DMD: variants seen among roughly 807,000 people sequenced by gnomAD.
DMD encodes the protein mutant dystrophin.
Under a neutral mutation model 330.1 loss-of-function variants are expected in DMD, and 63 were observed. The ratio of observed to expected loss-of-function variants is 0.19; its 90% confidence interval spans 0.16 to 0.24. The LOEUF (loss-of-function observed/expected upper bound fraction) is 0.24, where lower values mean the gene tolerates loss of function less well. Among genes scored for constraint, DMD ranks in the 10% least tolerant of loss-of-function variants. The pLI is 1.00. For missense variants in DMD, 3,344 were observed against 2,684.1 expected (o/e 1.25, Z -5.43); for synonymous variants, 1,223 against 959.8 (o/e 1.27, Z -5.07).
chrX:31,608,409 A>T (rs750133317), intron 55 of DMD, among the ~76,000 whole-genome samples: 3 of 111,919 alleles, frequency 2.7e-5, no homozygotes, highest in Non-Finnish European at 5.6e-5. Flanking sequence ...ATATAATGAC[A>T]TCACTAGACA....
At chrX:32,948,085 C>T (rs893020633) in intron 2 of DMD, among the ~76,000 whole-genome samples, 1 of 106,450 alleles carries the variant, frequency 9.4e-6, no homozygotes, top group Non-Finnish European at 1.9e-5. Context: ...CCTTGAAACC[C>T]CACTCAAAAT....
chrX:33,079,637 T>C (rs1345582468), intron 1 of DMD, among the ~76,000 whole-genome samples: 4 of 111,588 alleles, frequency 3.6e-5, no homozygotes, highest in Non-Finnish European at 7.5e-5. Flanking sequence ...ATTTTTGGAC[T>C]TTAGAGGACC....
intron 62 of DMD, among the ~76,000 whole-genome samples, chrX:31,277,958 G>A (rs764991677): frequency 1.9e-5 from 2 of 107,972 alleles, no homozygotes; most frequent in Non-Finnish European, 3.8e-5. Context: ...ATCATGCAAT[G>A]TTCCCATGTA....
At position 31,206,599 on chromosome X, in the gene DMD, A is replaced by C; in HGVS notation, c.9632T>G (p.Leu3211Trp). 1 of 1,210,392 alleles carries C rather than the reference A, an allele frequency of 8.3e-7. No homozygotes were observed. The highest frequency in any genetic ancestry group is 1.1e-6 in the Non-Finnish European group (1 of 894,338). Residue 3211 changes from leucine (L) to tryptophan (W), a missense_variant, in exon 66 of 79, where the codon TTG (leucine) becomes TGG (tryptophan). Transcript: ENST00000357033. ...TGIISLCKAH[L>W]EDKYRYLFKQ... ...CGACTTACATCTGTACTTGTCTTCCAAATGTGCTTTACACAGGGAAATGAT... is the reference window on the plus strand; with the variant it reads ...CGACTTACATCTGTACTTGTCTTCCCAATGTGCTTTACACAGGGAAATGAT...
intron 7 of DMD, among the ~76,000 whole-genome samples, chrX:32,783,397 A>G (rs1222598326): frequency 9.5e-6 from 1 of 105,624 alleles, no homozygotes; most frequent in East Asian, 3.0e-4. Context: ...ATATATATAC[A>G]CACACACCCC....
At chrX:32,380,208 C>A (rs776510942) in intron 34 of DMD, among the ~76,000 whole-genome samples, 55 of 111,128 alleles carry the variant, frequency 4.9e-4, no homozygotes, top group African/African-American at 1.8e-3. Context: ...TGGTCTTAGG[C>A]AAGCCAGTAC....
intron 74 of DMD, among the ~76,000 whole-genome samples, chrX:31,162,293 TACTGTAGAGGG>T (rs1341510389): frequency 2.1e-5 from 2 of 95,375 alleles, no homozygotes; most frequent in Non-Finnish European, 4.0e-5. Flanking sequence ...TAATCAATTC[TACTGTAGAGGG>T]ACAATTGGCA....
chrX:31,734,879 C>T (rs2086762084), intron 51 of DMD, among the ~76,000 whole-genome samples: 1 of 111,781 alleles, frequency 8.9e-6, no homozygotes, highest in Admixed American at 9.6e-5. Context: ...CTCAGCTTTT[C>T]TTTATTTAAA....
At chrX:32,012,931 C>CAT (rs770090636) in intron 44 of DMD, among the ~76,000 whole-genome samples, 18 of 110,430 alleles carry the variant, frequency 1.6e-4, no homozygotes, top group East Asian at 8.6e-4. Flanking sequence ...TACTGCTCTT[C>CAT]ATATATATAC....
intron 60 of DMD, among the ~76,000 whole-genome samples, chrX:31,379,005 G>A (rs1390588737): frequency 9.0e-6 from 1 of 110,599 alleles, no homozygotes; most frequent in Non-Finnish European, 1.9e-5. Flanking sequence ...ACGGTCTGAG[G>A]TGCCTGATGT....
At chrX:31,315,243 C>T (rs768828026) in intron 62 of DMD, among the ~76,000 whole-genome samples, 1 of 112,226 alleles carries the variant, frequency 8.9e-6, no homozygotes, top group Non-Finnish European at 1.9e-5. Context: ...CACACTGGGG[C>T]TATATCTCTA....
rs769007421 is a variant in DMD, at chrX:32,486,013, T to C, written c.2623-914A>G. ...ACCTTGGCCTCCCAAAGTGCTGGGA[T>C]TACAGGTGTGAGCCACCGCGCCCAG... On this transcript the variant is annotated intron_variant, in intron 20 of 78. Coordinates refer to ENST00000357033, the MANE Select transcript of DMD (RefSeq NM_004006.3). Among the ~76,000 whole-genome samples, 3 of 110,294 alleles carry C rather than the reference T, an allele frequency of 2.7e-5. No homozygotes were observed. The South Asian group carries it at 1.2e-3, about 43-fold the overall frequency.
chrX:33,029,777 C>A (rs1368054455), intron 1 of DMD, among the ~76,000 whole-genome samples: 1 of 111,926 alleles, frequency 8.9e-6, no homozygotes. Flanking sequence ...GACATAATGA[C>A]AATGAGATTG....
At chrX:33,099,052 G>A (rs2095209137) in intron 1 of DMD, among the ~76,000 whole-genome samples, 1 of 112,359 alleles carries the variant, frequency 8.9e-6, no homozygotes, top group Non-Finnish European at 1.9e-5. Flanking sequence ...AGGCTAAATT[G>A]TGGGAACTAA....
At chrX:32,251,134 A>G (rs1174468391) in intron 43 of DMD, among the ~76,000 whole-genome samples, 1 of 109,814 alleles carries the variant, frequency 9.1e-6, no homozygotes, top group Non-Finnish European at 1.9e-5. Context: ...GCACGTGTAT[A>G]CCTATGTAAC....
At chrX:31,626,493 A>G (rs1342454902) in intron 55 of DMD, among the ~76,000 whole-genome samples, 1 of 111,744 alleles carries the variant, frequency 8.9e-6, no homozygotes, top group East Asian at 2.8e-4. Context: ...ATAAAGTCTG[A>G]TACTGTTCCA....
intron 60 of DMD, among the ~76,000 whole-genome samples, chrX:31,431,445 T>C (rs886094130): frequency 8.9e-6 from 1 of 111,757 alleles, no homozygotes; most frequent in African/African-American, 3.3e-5. Context: ...TTGCCCCGGC[T>C]GGAGTGCAAT....
intron 11 of DMD, among the ~76,000 whole-genome samples, chrX:32,635,358 G>C (rs1356866526): frequency 9.0e-6 from 1 of 111,339 alleles, no homozygotes; most frequent in African/African-American, 3.3e-5. Context: ...TTCTAGTGTG[G>C]ACAGTTGTTC....
intron 77 of DMD, 41 bp downstream of exon 77, chrX:31,134,061 A>T: frequency 8.7e-7 from 1 of 1,147,286 alleles, no homozygotes; most frequent in Non-Finnish European, 1.2e-6. Context: ...GAGTGGCCTG[A>T]TCCCAGCAAA....
Sources: gnomAD v4.1 joint callset for allele counts (sites outside exome capture counted in the v4.1 genomes callset) on GRCh38, gnomAD v4.1.1 for gene constraint, MANE v1.5 for transcripts, NCBI Gene and HGNC (gene_info 2026-07-23, HGNC 2026-07-21) for gene names.